ASCC3: variants seen among roughly 807,000 people sequenced by gnomAD.
The protein encoded by ASCC3 is ASC-1 complex subunit P200.
Under a neutral mutation model 256.3 loss-of-function variants are expected in ASCC3, and 158 were observed. That is an observed-to-expected ratio of 0.62 (90% CI 0.54 to 0.70). The LOEUF (loss-of-function observed/expected upper bound fraction) is 0.70, where lower values mean the gene tolerates loss of function less well. Ranked by LOEUF, ASCC3 falls within the 30% of genes least tolerant of loss-of-function variation. ASCC3 has a pLI of 0.00. For synonymous variants in ASCC3, 948 were observed against 883.4 expected (o/e 1.07, Z -1.30); for missense variants, 2,259 against 2,626.0 (o/e 0.86, Z 3.05).
chr6:100,770,758 G>A, intron 8 of ASCC3, among the ~76,000 whole-genome samples: 1 of 151,312 alleles, frequency 6.6e-6, no homozygotes, highest in East Asian at 1.9e-4. Flanking sequence ...ATTTCTTAAG[G>A]ATAAATATGA....
chr6:100,700,675 A>G (rs1170332742), intron 13 of ASCC3, among the ~76,000 whole-genome samples: 4 of 152,232 alleles, frequency 2.6e-5, no homozygotes, highest in Non-Finnish European at 5.9e-5. Flanking sequence ...GATGTGAGAC[A>G]TGGAGTCAAA....
chr6:100,661,323 T>TCGCACACACACACA lies in ASCC3; in HGVS notation c.2703+482_2703+483insTGTGTGTGTGTGCG, dbSNP rs1435976050. 8.8e-4 allele frequency among the ~76,000 whole-genome samples: 125 copies of TCGCACACACACACA among 141,618 alleles called. 1 individual carries two copies. Among genetic ancestry groups the TCGCACACACACACA allele is most frequent in the Admixed American group, 7.8e-3 (110 of 14,022 alleles). The allele number at this position is 141,618 out of a possible 152,430, so 92.9% of individuals were successfully genotyped here. On this transcript the variant is annotated intron_variant, in intron 16 of 41. Coordinates refer to ENST00000369162, the MANE Select transcript of ASCC3 (RefSeq NM_006828.4). The stretch of plus-strand genomic sequence containing the variant: ...TGCTATGTAAATCTTAACACAAAAG[T>TCGCACACACACACA]CACACACACACACACACACACACAC...
intron 36 of ASCC3, among the ~76,000 whole-genome samples, chr6:100,542,363 G>A (rs1000746091): frequency 3.9e-5 from 6 of 152,180 alleles, no homozygotes; most frequent in African/African-American, 1.4e-4. Context: ...CAACAGTGAA[G>A]CAACATGTTT....
At chr6:100,684,616 T>C (rs892036398) in intron 13 of ASCC3, among the ~76,000 whole-genome samples, 9 of 131,024 alleles carry the variant, frequency 6.9e-5, no homozygotes, top group African/African-American at 1.4e-4. Flanking sequence ...CTGTTATACA[T>C]TGACAACTAT....
intron 14 of ASCC3, among the ~76,000 whole-genome samples, chr6:100,668,822 G>A (rs1776602587): frequency 6.6e-6 from 1 of 151,826 alleles, no homozygotes; most frequent in Non-Finnish European, 1.5e-5. Context: ...TGCAGACATT[G>A]AATTTTGACA....
intron 10 of ASCC3, among the ~76,000 whole-genome samples, chr6:100,755,078 G>A (rs183847151): frequency 7.9e-5 from 12 of 151,670 alleles, no homozygotes; most frequent in African/African-American, 2.7e-4. Flanking sequence ...ACGAGATCCC[G>A]CAAATAAGTG....
chr6:100,687,068 A>ACACACACACACACG (rs1777609232), intron 13 of ASCC3, among the ~76,000 whole-genome samples: 4 of 146,590 alleles, frequency 2.7e-5, no homozygotes, highest in Non-Finnish European at 6.0e-5. Context: ...ACACACACAC[A>ACACACACACACACG]GACCTGATCT....
rs765270435 is a variant in ASCC3, at chr6:100,518,106, C to A, written c.5812G>T (p.Val1938Leu). 1.1e-5 allele frequency: 17 copies of A among 1,613,468 alleles called. No individual in the cohort carries two copies. The Middle Eastern group carries it at 2.1e-3, about 203-fold the overall frequency. The change falls in exon 38 of 42, where the codon GTG becomes TTG. Residue 1938 changes from valine (V) to leucine (L), a missense_variant. Physicochemically the swap from Val to Leu is conservative, Grantham distance 32 (BLOSUM62 1). Around this residue, in one of 2 missense-constraint regions of ASCC3, gnomAD observed 1,839 missense variants for 2,206.7 expected, o/e 0.83. Coordinates refer to ENST00000369162, the MANE Select transcript of ASCC3 (RefSeq NM_006828.4). ...LDVAANQGWL[V>L]TVLNITNLIQ... is the part of the protein sequence containing the mutation. ...AGGTTGGTGATATTCAGGACAGTCA[C>A]CAGCCAGCCCTGGTTTGCAGCCACG...
At chr6:100,729,762 C>T (rs925141732) in intron 10 of ASCC3, among the ~76,000 whole-genome samples, 6 of 152,098 alleles carry the variant, frequency 3.9e-5, no homozygotes, top group South Asian at 2.1e-4. Context: ...AAAAGGAATA[C>T]ACAAATTTTA....
intron 13 of ASCC3, among the ~76,000 whole-genome samples, chr6:100,681,597 C>T (rs948754811): frequency 4.0e-5 from 6 of 151,238 alleles, no homozygotes; most frequent in Non-Finnish European, 7.4e-5. Context: ...CGTGGTGGTG[C>T]GTGCCTGTAA....
intron 10 of ASCC3, 110 bp downstream of exon 10, chr6:100,766,455 T>C: frequency 8.6e-7 from 1 of 1,157,230 alleles, no homozygotes; most frequent in Non-Finnish European, 1.3e-6. Context: ...GTTCACTATA[T>C]TATGTTTGTA....
chr6:100,558,883 T>C (rs1416014941), intron 36 of ASCC3, among the ~76,000 whole-genome samples: 1 of 152,164 alleles, frequency 6.6e-6, no homozygotes, highest in Non-Finnish European at 1.5e-5. Flanking sequence ...TGCATTTTTG[T>C]AGGAGCTTTT....
intron 10 of ASCC3, among the ~76,000 whole-genome samples, chr6:100,740,612 G>A (rs1780389995): frequency 6.6e-6 from 1 of 152,138 alleles, no homozygotes. Flanking sequence ...GAATCTGGGT[G>A]CTCCTGTATT....
chr6:100,639,778 T>C (rs77655329), intron 24 of ASCC3, among the ~76,000 whole-genome samples: 4,606 of 152,250 alleles, frequency 0.03, 76 homozygotes, highest in African/African-American at 0.055. Flanking sequence ...GCTAACGACA[T>C]ACTTTCTACA....
intron 14 of ASCC3, among the ~76,000 whole-genome samples, chr6:100,666,748 C>G (rs963139720): frequency 6.6e-6 from 1 of 152,060 alleles, no homozygotes; most frequent in Admixed American, 6.6e-5. Flanking sequence ...CCTCATGAGA[C>G]TATTTAGTGC....
intron 8 of ASCC3, among the ~76,000 whole-genome samples, chr6:100,772,416 C>T (rs1471315397): frequency 6.6e-6 from 1 of 151,962 alleles, no homozygotes; most frequent in African/African-American, 2.4e-5. Context: ...AAATGTCCAT[C>T]GACAGATAAA....
At chr6:100,661,323 T>TCGCGCACACACACACACACACA (rs1435976050) in intron 16 of ASCC3, among the ~76,000 whole-genome samples, 2 of 141,620 alleles carry the variant, frequency 1.4e-5, no homozygotes, top group Admixed American at 1.4e-4. Flanking sequence ...AACACAAAAG[T>TCGCGCACACACACACACACACA]CACACACACA....
intron 36 of ASCC3, among the ~76,000 whole-genome samples, chr6:100,569,728 C>T (rs1007741383): frequency 6.6e-6 from 1 of 152,078 alleles, no homozygotes; most frequent in African/African-American, 2.4e-5. Context: ...ATGACTCTGG[C>T]TTTGTTCTTT....
chr6:100,587,437 A>G (rs1771758275), intron 36 of ASCC3, among the ~76,000 whole-genome samples: 1 of 152,244 alleles, frequency 6.6e-6, no homozygotes, highest in Admixed American at 6.5e-5. Context: ...TGAACAAAGA[A>G]TAATTCCTAG....
Sources: allele counts gnomAD v4.1 joint callset (sites outside exome capture counted in the v4.1 genomes callset), GRCh38; gene constraint gnomAD v4.1.1; regional missense constraint gnomAD v4.1.1; transcripts MANE v1.5; gene names NCBI Gene and HGNC (gene_info 2026-07-23, HGNC 2026-07-21).